The following EPC2 variants were observed in gnomAD, a reference collection of about 807,000 sequenced individuals.
EPC2 encodes the protein enhancer of polycomb 2, also known as enhancer of polycomb homolog 2.
A neutral mutation model predicts 92.1 loss-of-function variants in EPC2; 14 were observed. The ratio of observed to expected loss-of-function variants is 0.15; its 90% CI spans 0.10 to 0.24. The LOEUF (loss-of-function observed/expected upper bound fraction) is 0.24. EPC2 is among the 10% of genes least tolerant of loss of function. EPC2 has a pLI of 1.00. For missense variants in EPC2, 755 were observed against 971.5 expected (o/e 0.78, Z 2.96); for synonymous variants, 340 against 334.7 (o/e 1.02, Z -0.17).
At chr2:148,744,279 C>G (rs114450108) in intron 3 of EPC2, among the ~76,000 whole-genome samples, 6,215 of 152,110 alleles carry the variant, frequency 0.041, 166 homozygotes, top group Non-Finnish European at 0.058. Flanking sequence ...AGCAGTTAAG[C>G]AGTGTAAGTC....
Position 148,774,624 on chromosome 2 carries a change from T to TA in EPC2, c.1720+3237_1720+3238insA, listed in dbSNP as rs935978031. Among the ~76,000 whole-genome samples the TA allele has an allele frequency of 2.9e-4, 38 of 132,612 alleles. 1 individual carries two copies. Among genetic ancestry groups the TA allele is most frequent in the African/African-American group, 9.9e-4 (37 of 37,410 alleles). The allele number at this position is 132,612 out of a possible 152,430, so 87.0% of individuals were successfully genotyped here. On this transcript the variant is annotated intron_variant, in intron 10 of 13. Coordinates refer to ENST00000258484, the MANE Select transcript of EPC2 (RefSeq NM_015630.4). ...CCTGACTCAAAAAAAAAAATATATT[T>TA]TATATATATATATATATGCATGTAC...
At chr2:148,769,337 C>G in intron 8 of EPC2, 97 bp downstream of exon 8, 3 of 814,540 alleles carry the variant, frequency 3.7e-6, no homozygotes, top group Non-Finnish European at 6.1e-6. Context: ...ATGGGAAATG[C>G]ATCAGTACTT....
At chr2:148,662,699 G>T (rs1680963590) in intron 1 of EPC2, among the ~76,000 whole-genome samples, 1 of 152,054 alleles carries the variant, frequency 6.6e-6, no homozygotes. Flanking sequence ...AATAGCATTA[G>T]GAGATATACC....
At chr2:148,672,921 TTTTA>T (rs1257188466) in intron 1 of EPC2, among the ~76,000 whole-genome samples, 4 of 152,134 alleles carry the variant, frequency 2.6e-5, no homozygotes, top group Non-Finnish European at 4.4e-5. Context: ...TCTGGGAGGT[TTTTA>T]TTTGTCTTTC....
intron 6 of EPC2, among the ~76,000 whole-genome samples, chr2:148,763,079 C>T (rs896482298): frequency 6.6e-6 from 1 of 151,964 alleles, no homozygotes; most frequent in South Asian, 2.1e-4. Context: ...TCTAATAGTC[C>T]GTCATGTTCA....
intron 2 of EPC2, among the ~76,000 whole-genome samples, chr2:148,727,434 T>A (rs985010414): frequency 6.6e-5 from 10 of 152,230 alleles, no homozygotes; most frequent in Admixed American, 3.3e-4. Flanking sequence ...TTACTAACAT[T>A]AGAACAACAA....
At chr2:148,691,578 A>C in intron 2 of EPC2, 1 of 1,550,472 alleles carries the variant, frequency 6.4e-7, no homozygotes, top group Non-Finnish European at 8.7e-7. Flanking sequence ...TTCAGGATTG[A>C]AGTCTTGTTC....
intron 10 of EPC2, among the ~76,000 whole-genome samples, chr2:148,775,683 T>TAATTAAATAA (rs1683622526): frequency 6.8e-6 from 1 of 147,722 alleles, no homozygotes; most frequent in Non-Finnish European, 1.5e-5. Context: ...AAATTTAATT[T>TAATTAAATAA]AATTAAATAA....
Position 148,644,861 on chromosome 2 carries a change from G to A in EPC2, c.-157G>A. On this transcript the variant is annotated 5_prime_UTR_variant, in exon 1 of 14. Transcript: ENST00000258484. ...GCGGGGGGCTGTTTTCGGGCGGGGT[G>A]GGCGCCCATGCTGTGGCCGGGGGCA... The A allele has an allele frequency of 1.7e-6, 1 of 604,752 alleles. No individual in the cohort carries two copies. The highest frequency in any genetic ancestry group is 2.1e-5 in the South Asian group (1 of 48,588). 37.5% of individuals were successfully genotyped at this position (604,752 alleles called of 1,614,324 possible). A position where few individuals can be genotyped will look rare whatever the true frequency, so the allele number is the denominator to read the frequency against.
chr2:148,688,599 A>C (rs1681577931), intron 1 of EPC2, among the ~76,000 whole-genome samples: 1 of 152,202 alleles, frequency 6.6e-6, no homozygotes, highest in Admixed American at 6.5e-5. Context: ...TTGGCTTTGC[A>C]TATATATGTA....
chr2:148,690,373 C>A lies in EPC2; in HGVS notation c.313C>A (p.Pro105Thr), dbSNP rs115716706. 5 of 1,570,446 alleles carry A rather than the reference C, an allele frequency of 3.2e-6. No individual in the cohort carries two copies. In the Admixed American group the frequency reaches 8.1e-5, roughly 26 times the overall value. ...KQPKQFIHIQPFNLDNEQPDY... is the reference protein window; with the variant it reads ...KQPKQFIHIQTFNLDNEQPDY... Reference sequence around the variant, plus strand: ...GCCAAAACAGTTCATTCATATTCAGCGTAAGTTTGTTAATTCATTGTTTTC... The same window carrying A: ...GCCAAAACAGTTCATTCATATTCAGAGTAAGTTTGTTAATTCATTGTTTTC... Residue 105 changes from proline (P) to threonine (T), a missense_variant and splice_region_variant, in exon 2 of 14, where the codon CCT becomes ACT. Physicochemically the swap from Pro to Thr is conservative, Grantham distance 38. Coordinates refer to ENST00000258484, the MANE Select transcript of EPC2 (RefSeq NM_015630.4).
intron 1 of EPC2, among the ~76,000 whole-genome samples, chr2:148,679,786 C>G (rs1681356673): frequency 6.6e-6 from 1 of 152,306 alleles, no homozygotes; most frequent in East Asian, 1.9e-4. Flanking sequence ...ACTAGGACCA[C>G]TGATGTGAGC....
At chr2:148,728,930 G>T (rs1682559338) in intron 2 of EPC2, among the ~76,000 whole-genome samples, 3 of 150,372 alleles carry the variant, frequency 2.0e-5, no homozygotes, top group African/African-American at 7.3e-5. Flanking sequence ...TACTCGGGAG[G>T]CTGAGGCAGG....
chr2:148,668,782 C>T (rs1456673655), intron 1 of EPC2, among the ~76,000 whole-genome samples: 1 of 151,878 alleles, frequency 6.6e-6, no homozygotes. Flanking sequence ...CACTTTTTTT[C>T]CCCCCTAATC....
chr2:148,777,080 G>A (rs1683661714), intron 10 of EPC2, among the ~76,000 whole-genome samples: 1 of 151,452 alleles, frequency 6.6e-6, no homozygotes, highest in South Asian at 2.1e-4. Flanking sequence ...GGCTAGTCTT[G>A]AACCCCTGAC....
At chr2:148,678,855 A>C (rs924800214) in intron 1 of EPC2, among the ~76,000 whole-genome samples, 1 of 152,216 alleles carries the variant, frequency 6.6e-6, no homozygotes, top group African/African-American at 2.4e-5. Context: ...CGGTGGGCTG[A>C]AGGGCTCCTC....
chr2:148,743,001 A>T (rs1430480361), intron 2 of EPC2, among the ~76,000 whole-genome samples: 1 of 152,120 alleles, frequency 6.6e-6, no homozygotes, highest in Non-Finnish European at 1.5e-5. Flanking sequence ...TTATATAGTC[A>T]AATCAATCTA....
chr2:148,738,649 G>T (rs960832614), intron 2 of EPC2, among the ~76,000 whole-genome samples: 1 of 152,114 alleles, frequency 6.6e-6, no homozygotes, highest in Non-Finnish European at 1.5e-5. Flanking sequence ...GACATATGAT[G>T]GAGACTGAGT....
intron 2 of EPC2, among the ~76,000 whole-genome samples, chr2:148,736,311 T>G (rs887316070): frequency 6.6e-6 from 1 of 152,210 alleles, no homozygotes; most frequent in Non-Finnish European, 1.5e-5. Flanking sequence ...TTGCTGTTTT[T>G]GGGCAGTAGG....
Sources: gnomAD v4.1 joint callset for allele counts (sites outside exome capture counted in the v4.1 genomes callset) on GRCh38, gnomAD v4.1.1 for gene constraint, MANE v1.5 for transcripts, NCBI Gene and HGNC (gene_info 2026-07-23, HGNC 2026-07-21) for gene names.